RASGRP3: variants seen among roughly 807,000 people sequenced by gnomAD.
RASGRP3 encodes ras guanyl-releasing protein 3.
Under a neutral mutation model 82.7 loss-of-function variants are expected in RASGRP3, and 54 were observed. The ratio of observed to expected loss-of-function variants is 0.65; its 90% CI spans 0.52 to 0.82. RASGRP3 has a LOEUF of 0.82. RASGRP3 is among the 40% of genes least tolerant of loss of function. The pLI is 0.00. For synonymous variants in RASGRP3, 309 were observed against 300.5 expected, an observed-to-expected ratio of 1.03 and a Z score of -0.29; for missense variants, 861 against 828.9, an observed-to-expected ratio of 1.04 and a Z score of -0.48.
At chr2:33,531,837 G>A (rs997664094) in intron 10 of RASGRP3, 1 of 152,264 alleles carries the variant, frequency 6.6e-6, no homozygotes, top group Non-Finnish European at 1.5e-5. Flanking sequence ...TTCTTGGTTG[G>A]CTGTGGTAGT....
At chr2:33,559,107 T>TG (rs1228379500) in intron 17 of RASGRP3, 77 bp downstream of exon 17, 5 of 1,240,522 alleles carry the variant, frequency 4.0e-6, no homozygotes, top group Non-Finnish European at 5.5e-6. Context: ...ACAGAGGGTC[T>TG]GGGGGGCAGC....
intron 7 of RASGRP3, 151 bp from the exon 8 acceptor site, chr2:33,523,728 T>G (rs2151027877): frequency 1.2e-6 from 1 of 830,168 alleles, no homozygotes; most frequent in South Asian, 2.0e-5. Flanking sequence ...GACACATGTA[T>G]ATTCAAACTT....
chr2:33,543,743 G>C, intron 13 of RASGRP3, 116 bp downstream of exon 13: 1 of 686,362 alleles, frequency 1.5e-6, no homozygotes, highest in Non-Finnish European at 2.5e-6. Flanking sequence ...CTGGTGCTTT[G>C]ATGAGCCAGG....
intron 17 of RASGRP3, chr2:33,559,490 G>T: frequency 2.6e-6 from 1 of 388,330 alleles, no homozygotes; most frequent in East Asian, 6.5e-5. Context: ...TCATGGAAAA[G>T]GGGGTGGTGA....
At position 33,524,616 on chromosome 2, in the gene RASGRP3, G is replaced by A. The variant is rs529489820; in HGVS notation, c.807+68G>A. On this transcript the variant is annotated intron_variant, in intron 9 of 17. Transcript: ENST00000403687. ...TGTAAATTGTTCAGGTTTAGTATAC[G>A]CCTAACAAATGTCACTCAGAGTGGG... The A allele has an allele frequency of 3.2e-5, 38 of 1,196,006 alleles. 1 individual carries two copies. The highest frequency in any genetic ancestry group is 4.3e-5 in the Non-Finnish European group (36 of 844,752). The allele number at this position is 1,196,006 out of a possible 1,614,324, so 74.1% of individuals were successfully genotyped here.
At chr2:33,529,629 T>C (rs1672921278) in intron 10 of RASGRP3, among the ~76,000 whole-genome samples, 1 of 152,114 alleles carries the variant, frequency 6.6e-6, no homozygotes, top group Middle Eastern at 3.2e-3. Flanking sequence ...CATCAAGCAC[T>C]GTATTTAGTA....
chr2:33,512,191 G>A (rs143813430), intron 2 of RASGRP3, among the ~76,000 whole-genome samples: 117 of 152,304 alleles, frequency 7.7e-4, no homozygotes, highest in African/African-American at 2.5e-3. Context: ...CACCTGGCCC[G>A]TCGTGTGCCA....
intron 12 of RASGRP3, chr2:33,539,843 CCGGGCGCGATGG>C (rs1023266803): frequency 6.6e-6 from 1 of 152,222 alleles, no homozygotes; most frequent in Non-Finnish European, 1.5e-5. Flanking sequence ...AAAAAATTAG[CCGGGCGCGATGG>C]CGGGCGCCTG....
chr2:33,515,888 C>T (rs1378035765), intron 3 of RASGRP3, among the ~76,000 whole-genome samples: 5 of 152,298 alleles, frequency 3.3e-5, no homozygotes, highest in Non-Finnish European at 4.4e-5. Flanking sequence ...AGATAAAATA[C>T]AGGATGACCA....
intron 2 of RASGRP3, among the ~76,000 whole-genome samples, chr2:33,464,173 C>T (rs1666548025): frequency 6.7e-6 from 1 of 148,554 alleles, no homozygotes; most frequent in South Asian, 2.1e-4. Flanking sequence ...GGCTGGAGTG[C>T]AGTGGCGCTA....
chr2:33,452,319 G>A (rs1274537036), intron 2 of RASGRP3, among the ~76,000 whole-genome samples: 2 of 152,222 alleles, frequency 1.3e-5, no homozygotes, highest in South Asian at 2.1e-4. Context: ...TGATGTCTAT[G>A]CATATGAAGA....
intron 11 of RASGRP3, among the ~76,000 whole-genome samples, chr2:33,538,109 T>C (rs1673831291): frequency 6.6e-6 from 1 of 152,242 alleles, no homozygotes; most frequent in Non-Finnish European, 1.5e-5. Context: ...TACACAAAAA[T>C]CCATGATGGA....
chr2:33,502,994 C>T (rs141116871), intron 1 of RASGRP3, among the ~76,000 whole-genome samples: 2 of 152,300 alleles, frequency 1.3e-5, no homozygotes, highest in African/African-American at 2.4e-5. Context: ...AGTCTATCAA[C>T]CTCTAAAATT....
intron 1 of RASGRP3, among the ~76,000 whole-genome samples, chr2:33,490,283 A>C (rs553689366): frequency 2.6e-5 from 4 of 152,144 alleles, no homozygotes; most frequent in Admixed American, 1.3e-4. Context: ...ACTTCTCTTC[A>C]CTGCAATTCT....
chr2:33,440,953 C>T (rs183324579), intron 1 of RASGRP3, among the ~76,000 whole-genome samples: 21 of 152,214 alleles, frequency 1.4e-4, no homozygotes, highest in African/African-American at 4.6e-4. Flanking sequence ...AATGCAGTGG[C>T]ACAAGCTCGG....
chr2:33,548,130 G>A (rs1350971090), intron 13 of RASGRP3, among the ~76,000 whole-genome samples: 1 of 152,120 alleles, frequency 6.6e-6, no homozygotes, highest in African/African-American at 2.4e-5. Flanking sequence ...GGGAGGCCGA[G>A]GCGGGCGGAT....
intron 2 of RASGRP3, among the ~76,000 whole-genome samples, chr2:33,454,689 T>C (rs1312178937): frequency 1.3e-5 from 2 of 152,084 alleles, no homozygotes; most frequent in African/African-American, 4.8e-5. Flanking sequence ...CAGGGTAAAA[T>C]ATAGGGTGTT....
intron 13 of RASGRP3, among the ~76,000 whole-genome samples, chr2:33,548,299 T>C (rs1215719564): frequency 3.5e-5 from 5 of 141,452 alleles, no homozygotes; most frequent in Admixed American, 7.9e-5. Context: ...AGGCGGAGCT[T>C]GCAGTGAGCC....
intron 2 of RASGRP3, among the ~76,000 whole-genome samples, chr2:33,467,462 AAAG>A (rs1004635930): frequency 1.3e-4 from 20 of 152,346 alleles, no homozygotes; most frequent in African/African-American, 3.8e-4. Flanking sequence ...TGTAAGAAAA[AAAG>A]AGAAGGTATC....
Sources: allele counts gnomAD v4.1 joint callset (sites outside exome capture counted in the v4.1 genomes callset), GRCh38; gene constraint gnomAD v4.1.1; transcripts MANE v1.5; gene names NCBI Gene and HGNC (gene_info 2026-07-23, HGNC 2026-07-21).